Variants in UNC80 observed in about 807,000 individuals in gnomAD.
The protein encoded by UNC80 is unc-80 subunit of NALCN channel complex, also known as protein unc-80 homolog.
In UNC80, 164 loss-of-function variants were observed where a neutral mutation model predicts 384.6. That is an observed-to-expected ratio of 0.43 (90% CI 0.38 to 0.49). UNC80 has a LOEUF of 0.49. Ranked by LOEUF, UNC80 falls within the 20% of genes least tolerant of loss-of-function variation. The probability of loss-of-function intolerance (pLI) is 0.00; values close to 1 mark genes in which losing one functional copy is unlikely to be tolerated. For missense variants in UNC80, 3,330 were observed against 4,143.0 expected (o/e 0.80, Z 5.39); for synonymous variants, 1,486 against 1,527.8 (o/e 0.97, Z 0.64).
At chr2:209,778,819 A>G (rs556935397) in intron 4 of UNC80, among the ~76,000 whole-genome samples, 12 of 152,390 alleles carry the variant, frequency 7.9e-5, no homozygotes, top group South Asian at 4.1e-4. Context: ...AACCCAGTGA[A>G]TGGATCAAGT....
chr2:209,979,884 G>A (rs940610042), intron 59 of UNC80, among the ~76,000 whole-genome samples: 2 of 152,168 alleles, frequency 1.3e-5, no homozygotes, highest in African/African-American at 2.4e-5. Flanking sequence ...TAGAAGAAAC[G>A]AGAGTTGAGG....
intron 47 of UNC80, among the ~76,000 whole-genome samples, chr2:209,950,543 AT>A (rs1475755257): frequency 2.3e-5 from 3 of 128,134 alleles, no homozygotes; most frequent in African/African-American, 8.6e-5. Context: ...TTTTATCTTT[AT>A]TATTTTCTAC....
At chr2:209,938,714 G>C (rs199741200) in intron 42 of UNC80, among the ~76,000 whole-genome samples, 5,755 of 130,894 alleles carry the variant, frequency 0.044, 122 homozygotes, top group Non-Finnish European at 0.06. Context: ...CTCTCTCTGT[G>C]TGTGTGTGTG....
In UNC80 at chr2:209,771,968, G is replaced by C. The variant is rs1444100369; in HGVS notation, c.-105G>C. On this transcript the variant is annotated 5_prime_UTR_variant, in exon 1 of 65. Transcript: ENST00000673920. ...GGGCGGAGAGAGCCGGCTCTGCCTC[G>C]GGGAAGGAGGGGATGAGAGTTGGGA... 1.2e-6 allele frequency: 1 copy of C among 807,612 alleles called. No individual in the cohort carries two copies. Among genetic ancestry groups the C allele is most frequent in the African/African-American group, 1.8e-5 (1 of 57,086 alleles). 50.0% of individuals were successfully genotyped at this position (807,612 alleles called of 1,614,324 possible). A position where few individuals can be genotyped will look rare whatever the true frequency, so the allele number is the denominator to read the frequency against.
intron 7 of UNC80, among the ~76,000 whole-genome samples, chr2:209,804,979 TA>T (rs2078801118): frequency 6.6e-6 from 1 of 152,184 alleles, no homozygotes; most frequent in Non-Finnish European, 1.5e-5. Flanking sequence ...AAAAGTTCTT[TA>T]TATTTGATGT....
intron 35 of UNC80, among the ~76,000 whole-genome samples, chr2:209,925,923 TCAAA>T (rs1241137609): frequency 1.3e-5 from 2 of 152,212 alleles, no homozygotes; most frequent in African/African-American, 4.8e-5. Context: ...AATCTGAGAA[TCAAA>T]CACTCACAAT....
rs566116168 is a variant in UNC80, at chr2:209,997,097, A to G, written c.*1502A>G. ...TATTTTTTGTTAGAATTGCTTATTA[A>G]ATAGGCATACTTTATACTGTGGTTT... On this transcript the variant is annotated 3_prime_UTR_variant, in exon 65 of 65. Coordinates refer to ENST00000673920, the MANE Select transcript of UNC80 (RefSeq NM_001371986.1). 16 of 152,310 alleles carry G rather than the reference A, an allele frequency of 1.1e-4. No individual in the cohort carries two copies. Among genetic ancestry groups the G allele is most frequent in the Admixed American group, 3.9e-4 (6 of 15,302 alleles). 9.4% of individuals were successfully genotyped at this position (152,310 alleles called of 1,614,324 possible).
intron 6 of UNC80, among the ~76,000 whole-genome samples, chr2:209,792,402 C>T (rs1275823263): frequency 6.6e-6 from 1 of 152,236 alleles, no homozygotes; most frequent in Non-Finnish European, 1.5e-5. Flanking sequence ...GGCTGGAGTG[C>T]AGTGGCGCGA....
intron 33 of UNC80, among the ~76,000 whole-genome samples, chr2:209,919,143 CTATATGTA>C (rs2089821833): frequency 6.6e-6 from 1 of 152,110 alleles, no homozygotes; most frequent in Non-Finnish European, 1.5e-5. Flanking sequence ...CTTATTACTG[CTATATGTA>C]ATATAACTCA....
chr2:209,857,841 A>G (rs2083049793), intron 22 of UNC80, among the ~76,000 whole-genome samples: 2 of 152,146 alleles, frequency 1.3e-5, no homozygotes, highest in African/African-American at 4.8e-5. Context: ...GTTTTAATTT[A>G]TAAAATCCAG....
At chr2:209,793,672 A>G in intron 6 of UNC80, 48 bp from the exon 7 acceptor site, 1 of 1,602,598 alleles carries the variant, frequency 6.2e-7, no homozygotes, top group Non-Finnish European at 8.5e-7. Flanking sequence ...ACAGGGGAAA[A>G]CAAAAAACAA....
Position 209,849,572 on chromosome 2 carries a change from T to C in UNC80, c.3576T>C (p.Cys1192=). The C allele has an allele frequency of 6.4e-7, 1 of 1,551,002 alleles. No homozygotes were observed. The highest frequency in any genetic ancestry group is 1.2e-5 in the South Asian group (1 of 84,040). Residue 1192 remains cysteine, a synonymous_variant, in exon 22 of 65, where the codon TGT becomes TGC. Coordinates refer to ENST00000673920, the MANE Select transcript of UNC80 (RefSeq NM_001371986.1). ...GCTTCCAATTTCTGTTAAACTGCTGTGAGCCAGGGACAATTCCTGATGCCT... is the reference window on the plus strand; with the variant it reads ...GCTTCCAATTTCTGTTAAACTGCTGCGAGCCAGGGACAATTCCTGATGCCT... ...MKRFQFLLNC[C]EPGTIPDASI...
chr2:209,985,409 T>A (rs974765899), intron 61 of UNC80, among the ~76,000 whole-genome samples: 1 of 152,248 alleles, frequency 6.6e-6, no homozygotes, highest in African/African-American at 2.4e-5. Flanking sequence ...ATTTATATAC[T>A]ATAATTCCTT....
intron 16 of UNC80, among the ~76,000 whole-genome samples, chr2:209,832,838 G>A (rs906543096): frequency 6.6e-6 from 1 of 152,230 alleles, no homozygotes; most frequent in South Asian, 2.1e-4. Flanking sequence ...AAGAACAGTG[G>A]GACATCAAAC....
intron 55 of UNC80, 107 bp downstream of exon 55, chr2:209,972,431 G>A: frequency 1.4e-6 from 2 of 1,423,296 alleles, no homozygotes; most frequent in South Asian, 1.4e-5. Context: ...ACTGAAGTCA[G>A]TCTGAATGAT....
At chr2:209,868,643 C>G (rs1451553176) in intron 22 of UNC80, among the ~76,000 whole-genome samples, 1 of 152,114 alleles carries the variant, frequency 6.6e-6, no homozygotes. Context: ...AGGAAAGTAG[C>G]CAGACTCCTG....
rs61749490 is a variant in UNC80 at position 209,933,975 on chromosome 2, G to C, written c.6148G>C (p.Val2050Leu). Residue 2050 changes from valine to leucine, a missense_variant, in exon 39 of 65, where the codon GTG (valine) becomes CTG (leucine). Coordinates refer to ENST00000673920, the MANE Select transcript of UNC80 (RefSeq NM_001371986.1). Reference protein sequence around the residue: ...KQTMKKEQCEVKLLVTASMPG... With the variant: ...KQTMKKEQCELKLLVTASMPG... ...GACGATGAAGAAGGAGCAGTGTGAG[G>C]TGAAGCTCCTGGTGACCGCTTCAAT... 6,737 of 1,549,668 alleles carry C rather than the reference G, an allele frequency of 4.3e-3. 221 individuals are homozygous for C. The African/African-American group carries it at 0.079, about 18-fold the overall frequency.
At chr2:209,871,205 C>G (rs1025587902) in intron 22 of UNC80, among the ~76,000 whole-genome samples, 1 of 152,170 alleles carries the variant, frequency 6.6e-6, no homozygotes, top group Non-Finnish European at 1.5e-5. Context: ...TCTACTTGCA[C>G]TCTACAAATT....
intron 47 of UNC80, among the ~76,000 whole-genome samples, chr2:209,950,241 G>A (rs2092108097): frequency 6.6e-6 from 1 of 152,038 alleles, no homozygotes; most frequent in Non-Finnish European, 1.5e-5. Context: ...TATCCTGGTG[G>A]TGGCTTTGGT....
Sources: gnomAD v4.1 joint callset for allele counts (sites outside exome capture counted in the v4.1 genomes callset) on GRCh38, gnomAD v4.1.1 for gene constraint, MANE v1.5 for transcripts, NCBI Gene and HGNC (gene_info 2026-07-23, HGNC 2026-07-21) for gene names.